The following TENM4 variants were observed in gnomAD, a reference collection of about 807,000 sequenced individuals.
TENM4 encodes the protein teneurin-4.
In TENM4, 82 loss-of-function variants were observed where a neutral mutation model predicts 243.3. The observed-to-expected ratio is 0.34, with a 90% CI of 0.28 to 0.40. The LOEUF is 0.40. Among genes scored for constraint, TENM4 ranks in the 10% least tolerant of loss-of-function variants. The probability of loss-of-function intolerance (pLI) is 1.00; values close to 1 mark genes in which losing one functional copy is unlikely to be tolerated. For missense variants in TENM4, 3,138 were observed against 3,673.3 expected (o/e 0.85, Z 3.77); for synonymous variants, 1,412 against 1,456.3 (o/e 0.97, Z 0.69).
chr11:79,339,057 G>GA (rs1857199554), intron 1 of TENM4, among the ~76,000 whole-genome samples: 3 of 152,176 alleles, frequency 2.0e-5, no homozygotes, highest in Admixed American at 6.5e-5. Context: ...TCACAAAGCT[G>GA]GGGCTCTGAG....
intron 3 of TENM4, among the ~76,000 whole-genome samples, chr11:79,173,724 T>C (rs1863099612): frequency 6.6e-6 from 1 of 152,192 alleles, no homozygotes; most frequent in African/African-American, 2.4e-5. Flanking sequence ...GGTGCAGAGC[T>C]GCTGGCAACC....
At position 78,658,644 on chromosome 11, in the gene TENM4, T is replaced by C. The variant is rs1015394925; in HGVS notation, c.7724A>G (p.Lys2575Arg). Residue 2575 changes from lysine to arginine, a missense_variant, in exon 34 of 34, where the codon AAG becomes AGG. Physicochemically the swap from Lys to Arg is conservative, Grantham distance 26. Around this residue, in one of 2 missense-constraint regions of TENM4, gnomAD observed 2,467 missense variants for 3,059.1 expected, o/e 0.81. Transcript: ENST00000278550. ...GATGTCTGTGGTCACTCGGCCATCC[T>C]TCAAGGCAAACTTGACCCCCTTGCC... ...VFGKGVKFAL[K>R]DGRVTTDIIS... 1 of 1,614,084 alleles carries C rather than the reference T, an allele frequency of 6.2e-7. No homozygotes were observed. Among genetic ancestry groups the C allele is most frequent in the Non-Finnish European group, 8.5e-7 (1 of 1,179,908 alleles).
chr11:79,359,169 G>A lies in TENM4; in HGVS notation c.-320-61626C>T, dbSNP rs142868013. ...TAGTCCTAGCTACTTGGGAGGCTGA[G>A]GCAGGAGGATTCTTTGAACTTAGGA... On this transcript the variant is annotated intron_variant, in intron 1 of 33. Coordinates refer to ENST00000278550, the MANE Select transcript of TENM4 (RefSeq NM_001098816.3). Among the ~76,000 whole-genome samples, 1,368 of 152,210 alleles carry A rather than the reference G, an allele frequency of 9.0e-3. 20 individuals are homozygous for A. Among genetic ancestry groups the A allele is most frequent in the African/African-American group, 0.031 (1,278 of 41,510 alleles).
In TENM4 at chr11:78,787,181, T is replaced by C. The variant is rs1175293103; in HGVS notation, c.2180-98A>G. 2.7e-5 allele frequency: 36 copies of C among 1,352,962 alleles called. No homozygotes were observed. The South Asian group carries it at 3.5e-4, about 13-fold the overall frequency. 83.8% of individuals were successfully genotyped at this position (1,352,962 alleles called of 1,614,324 possible). On this transcript the variant is annotated intron_variant, in intron 15 of 33. Coordinates refer to ENST00000278550, the MANE Select transcript of TENM4 (RefSeq NM_001098816.3). ...AGAGGAGAGAGAAAAACAACAAGTATTGAGCAAGTTATTGTTGGAAACCAA... is the reference window on the plus strand; with the variant it reads ...AGAGGAGAGAGAAAAACAACAAGTACTGAGCAAGTTATTGTTGGAAACCAA...
At chr11:78,889,650 C>T in intron 9 of TENM4, 135 bp downstream of exon 9, 1 of 982,784 alleles carries the variant, frequency 1.0e-6, no homozygotes. Context: ...CTGTCCAGAA[C>T]TCCAGGGCTG....
In TENM4 at chr11:79,214,269, A is replaced by G. The variant is rs868063998; in HGVS notation, c.-163+1539T>C. Among the ~76,000 whole-genome samples, 4 of 152,182 alleles carry G rather than the reference A, an allele frequency of 2.6e-5. No individual in the cohort carries two copies. In the South Asian group the frequency reaches 8.3e-4, roughly 31 times the overall value. On this transcript the variant is annotated intron_variant, in intron 3 of 33. Coordinates refer to ENST00000278550, the MANE Select transcript of TENM4 (RefSeq NM_001098816.3). ...CTTGGCCTCCCAAAGTGCTGGGATT[A>G]CAGGCTTGAGCCATCAAGCCTGGCC... is the stretch of plus-strand genomic sequence containing the variant.
intron 27 of TENM4, among the ~76,000 whole-genome samples, chr11:78,704,241 C>T (rs1411608321): frequency 6.8e-6 from 1 of 146,162 alleles, no homozygotes; most frequent in Non-Finnish European, 1.5e-5. Context: ...GTATCAAACT[C>T]CTGGGCTCAA....
chr11:78,974,419 C>T (rs971348629), intron 6 of TENM4, among the ~76,000 whole-genome samples: 1 of 152,200 alleles, frequency 6.6e-6, no homozygotes, highest in East Asian at 1.9e-4. Flanking sequence ...ATGACTTGTG[C>T]AGGGACACAC....
intron 3 of TENM4, among the ~76,000 whole-genome samples, chr11:79,211,996 T>C (rs1278171005): frequency 1.3e-5 from 2 of 152,204 alleles, no homozygotes; most frequent in Non-Finnish European, 2.9e-5. Context: ...TTTTTGTATA[T>C]GGTGTGAGGA....
chr11:79,161,260 T>C (rs1389136737), intron 3 of TENM4, among the ~76,000 whole-genome samples: 2 of 152,184 alleles, frequency 1.3e-5, no homozygotes, highest in East Asian at 3.8e-4. Flanking sequence ...CCACATTACG[T>C]CTTCTTGAGG....
At chr11:79,407,693 G>A (rs952792692) in intron 1 of TENM4, among the ~76,000 whole-genome samples, 9 of 152,184 alleles carry the variant, frequency 5.9e-5, no homozygotes, top group African/African-American at 2.2e-4. Context: ...TCACAAAGAA[G>A]AGGGGAAAAT....
chr11:78,737,746 C>T (rs543621742), intron 20 of TENM4, among the ~76,000 whole-genome samples: 1 of 152,250 alleles, frequency 6.6e-6, no homozygotes, highest in South Asian at 2.1e-4. Context: ...TAACAAATAG[C>T]TAATATTTAT....
chr11:79,206,822 C>A (rs552199547), intron 3 of TENM4, among the ~76,000 whole-genome samples: 1 of 152,116 alleles, frequency 6.6e-6, no homozygotes, highest in Non-Finnish European at 1.5e-5. Context: ...TTATCAGCAG[C>A]GTGAAAATGG....
chr11:78,986,763 G>A (rs1269491768), intron 6 of TENM4, among the ~76,000 whole-genome samples: 1 of 152,134 alleles, frequency 6.6e-6, no homozygotes, highest in African/African-American at 2.4e-5. Context: ...TAGTAGAGAT[G>A]GGGTTTTGCC....
intron 7 of TENM4, 110 bp from the exon 8 acceptor site, chr11:78,891,446 G>T: frequency 1.0e-6 from 1 of 952,832 alleles, no homozygotes; most frequent in Non-Finnish European, 1.6e-6. Flanking sequence ...CGTAAGACCA[G>T]CGGGACACGG....
intron 18 of TENM4, among the ~76,000 whole-genome samples, chr11:78,757,604 G>T (rs1198383424): frequency 2.0e-5 from 3 of 152,248 alleles, no homozygotes; most frequent in African/African-American, 7.2e-5. Context: ...AAAAATAAAG[G>T]TTGCTTAGAC....
At chr11:78,910,950 C>T (rs1856171289) in intron 6 of TENM4, among the ~76,000 whole-genome samples, 1 of 152,216 alleles carries the variant, frequency 6.6e-6, no homozygotes, top group Admixed American at 6.5e-5. Flanking sequence ...CCTGGCTCCC[C>T]TTCCAGTATT....
chr11:78,715,826 C>T (rs1357734032), intron 25 of TENM4, among the ~76,000 whole-genome samples: 1 of 152,174 alleles, frequency 6.6e-6, no homozygotes, highest in East Asian at 1.9e-4. Flanking sequence ...ACATTCAGCT[C>T]ATTTCGTCCT....
Position 79,151,328 on chromosome 11 carries a change from C to T in TENM4, c.-162-2522G>A, listed in dbSNP as rs1273810180. Among the ~76,000 whole-genome samples, 8 of 152,302 alleles carry T rather than the reference C, an allele frequency of 5.3e-5. No homozygotes were observed. The East Asian group carries it at 1.5e-3, about 29-fold the overall frequency. ...TGAAACCATCCATTCATCCATCTGA[C>T]CATGCATCCATCTCTCCACCCAAGA... On this transcript the variant is annotated intron_variant, in intron 3 of 33. Coordinates refer to ENST00000278550, the MANE Select transcript of TENM4 (RefSeq NM_001098816.3).
Sources: allele counts gnomAD v4.1 joint callset (sites outside exome capture counted in the v4.1 genomes callset), GRCh38; gene constraint gnomAD v4.1.1; regional missense constraint gnomAD v4.1.1; transcripts MANE v1.5; gene names NCBI Gene and HGNC (gene_info 2026-07-23, HGNC 2026-07-21).